Variants in TGM6 observed in about 807,000 individuals in gnomAD.
The protein encoded by TGM6 is transglutaminase 6, also known as protein-glutamine gamma-glutamyltransferase 6.
A neutral mutation model predicts 77.5 loss-of-function variants in TGM6; 74 were observed. The observed-to-expected ratio is 0.96, with a 90% CI of 0.79 to 1.16. The LOEUF is 1.16. TGM6 is among the 50% of genes most tolerant of loss of function. TGM6 has a pLI of 0.00. For missense variants in TGM6, 968 were observed against 940.2 expected (o/e 1.03, Z -0.39); for synonymous variants, 383 against 378.9 (o/e 1.01, Z -0.12).
At position 2,396,621 on chromosome 20, in the gene TGM6, G is replaced by T. The variant is rs375003299; in HGVS notation, c.540G>T (p.Gly180=). 2.5e-6 allele frequency: 4 copies of T among 1,614,066 alleles called. No individual in the cohort carries two copies. In the East Asian group the frequency reaches 6.7e-5, roughly 27 times the overall value. The change falls in exon 4 of 13, where the codon GGG becomes GGT. Residue 180 remains glycine, a synonymous_variant. Transcript: ENST00000202625. ...KHIRAQGWNY[G]QFEEDILNIC... ...TACGAGCCCAGGGCTGGAACTACGG[G>T]CAGGTCTCCAGGGGCACAGGCCAGA...
Position 2,386,569 on chromosome 20 carries a change from G to A in TGM6, c.7+5594G>A, listed in dbSNP as rs918506067. Among the ~76,000 whole-genome samples, 12 of 152,274 alleles carry A rather than the reference G, an allele frequency of 7.9e-5. No homozygotes were observed. In the South Asian group the frequency reaches 8.3e-4, roughly 11 times the overall value. On this transcript the variant is annotated intron_variant, in intron 1 of 12. Coordinates refer to ENST00000202625, the MANE Select transcript of TGM6 (RefSeq NM_198994.3). ...AAGGAAGGGCTTTCTAACATTGGGC[G>A]GTGAGTGAGCTACCTCTCAGAGGTA...
chr20:2,417,837 T>C (rs1161808438), intron 10 of TGM6, among the ~76,000 whole-genome samples: 1 of 152,154 alleles, frequency 6.6e-6, no homozygotes, highest in Non-Finnish European at 1.5e-5. Context: ...ATAGTTTCTA[T>C]TTTTTTAATT....
chr20:2,385,106 G>C (rs969812689), intron 1 of TGM6, among the ~76,000 whole-genome samples: 4 of 152,182 alleles, frequency 2.6e-5, no homozygotes, highest in African/African-American at 9.6e-5. Flanking sequence ...TATTCACCAA[G>C]AATTCGGCCA....
rs199938049 is a variant in TGM6, at chr20:2,394,655, G to A, written c.181+30G>A. 1.2e-3 allele frequency: 1,956 copies of A among 1,587,574 alleles called. 2 individuals are homozygous for A. The highest frequency in any genetic ancestry group is 1.5e-3 in the Non-Finnish European group (1,805 of 1,167,860). On this transcript the variant is annotated intron_variant, in intron 2 of 12. Coordinates refer to ENST00000202625, the MANE Select transcript of TGM6 (RefSeq NM_198994.3). The stretch of plus-strand genomic sequence containing the variant: ...CTGGGCTTGCCAGCACCCTCTTCTC[G>A]TCTGCAGCTGGAGGGACCTGTCTTA...
chr20:2,419,780 T>A (rs1023817210), intron 10 of TGM6, among the ~76,000 whole-genome samples: 4 of 152,180 alleles, frequency 2.6e-5, no homozygotes, highest in African/African-American at 9.7e-5. Flanking sequence ...TAAATAAATA[T>A]ATGGTGACCT....
intron 9 of TGM6, among the ~76,000 whole-genome samples, chr20:2,414,933 T>TTG (rs1471192721): frequency 2.8e-5 from 2 of 70,802 alleles, no homozygotes; most frequent in African/African-American, 1.8e-4. Flanking sequence ...GTTACAGAAT[T>TTG]TGGGGGGGGG....
At chr20:2,396,157 G>A (rs2084664464) in intron 3 of TGM6, among the ~76,000 whole-genome samples, 1 of 148,292 alleles carries the variant, frequency 6.7e-6, no homozygotes, top group Non-Finnish European at 1.5e-5. Context: ...TCCAGCCTGG[G>A]CAACAAGAGC....
intron 10 of TGM6, among the ~76,000 whole-genome samples, chr20:2,423,131 C>A (rs1263136291): frequency 6.6e-6 from 1 of 150,872 alleles, no homozygotes; most frequent in Non-Finnish European, 1.5e-5. Context: ...TATCAAACAC[C>A]ATCGCAACAC....
intron 10 of TGM6, among the ~76,000 whole-genome samples, chr20:2,421,127 C>G (rs774166766): frequency 6.6e-6 from 1 of 152,070 alleles, no homozygotes; most frequent in African/African-American, 2.4e-5. Context: ...GCTGGGATTA[C>G]GGGCACACAC....
At chr20:2,408,868 A>C (rs1207257187) in intron 9 of TGM6, among the ~76,000 whole-genome samples, 1 of 152,230 alleles carries the variant, frequency 6.6e-6, no homozygotes, top group Admixed American at 6.5e-5. Context: ...AATAAGTAAA[A>C]TAACTAGTAT....
intron 12 of TGM6, 82 bp from the exon 13 acceptor site, chr20:2,432,408 C>G: frequency 6.4e-7 from 1 of 1,565,306 alleles, no homozygotes. Flanking sequence ...CCTGAGGAGC[C>G]TGGGGAGCCG....
intron 6 of TGM6, 30 bp downstream of exon 6, chr20:2,399,768 C>G (rs1467717966): frequency 6.3e-7 from 1 of 1,590,786 alleles, no homozygotes. Flanking sequence ...CCCCAGGGTA[C>G]CTGTGCCCCC....
rs573632069 is a variant in TGM6, at chr20:2,405,446, G to A, written c.1336+1623G>A. On this transcript the variant is annotated intron_variant, in intron 9 of 12. Transcript: ENST00000202625. ...CACTGGGACTTTTTAAAGCTCCCAG[G>A]TGGTCTCTAGTGTGCAACCAATGCT... is the stretch of plus-strand genomic sequence containing the variant. Among the ~76,000 whole-genome samples, 4 of 152,308 alleles carry A rather than the reference G, an allele frequency of 2.6e-5. No individual in the cohort carries two copies. The East Asian group carries it at 7.7e-4, about 29-fold the overall frequency.
At chr20:2,392,448 A>C (rs1321914982) in intron 1 of TGM6, among the ~76,000 whole-genome samples, 1 of 152,226 alleles carries the variant, frequency 6.6e-6, no homozygotes, top group Non-Finnish European at 1.5e-5. Context: ...TATCAAAGCA[A>C]GAATTAGTTA....
At position 2,400,416 on chromosome 20, in the gene TGM6, C is replaced by T; in HGVS notation, c.961C>T (p.Leu321=). The change falls in exon 7 of 13, where the codon CTG becomes TTG. Residue 321 remains leucine (L), a synonymous_variant. Coordinates refer to ENST00000202625, the MANE Select transcript of TGM6 (RefSeq NM_198994.3). The part of the protein sequence containing the change: ...DKYVDSFGRT[L]EDLTEDSMWN... ...ATACGTGGACTCCTTCGGGCGGACCCTGGAGGACCTGACAGAAGACAGCAT... is the reference window on the plus strand; with the variant it reads ...ATACGTGGACTCCTTCGGGCGGACCTTGGAGGACCTGACAGAAGACAGCAT... 6.2e-7 allele frequency: 1 copy of T among 1,614,166 alleles called. No individual in the cohort carries two copies.
intron 10 of TGM6, among the ~76,000 whole-genome samples, chr20:2,428,728 TGGAATTGTTGTAAG>T (rs2084905275): frequency 6.6e-6 from 1 of 152,134 alleles, no homozygotes; most frequent in Non-Finnish European, 1.5e-5. Flanking sequence ...TACCCGCTCA[TGGAATTGTTGTAAG>T]GATTAAATAA....
chr20:2,397,788 C>A, intron 4 of TGM6, 130 bp from the exon 5 acceptor site: 2 of 1,454,680 alleles, frequency 1.4e-6, no homozygotes, highest in Non-Finnish European at 9.6e-7. Flanking sequence ...CTCTGTGATG[C>A]CCCTGGTGGT....
chr20:2,383,026 A>G (rs2084566902), intron 1 of TGM6, among the ~76,000 whole-genome samples: 1 of 152,174 alleles, frequency 6.6e-6, no homozygotes, highest in Non-Finnish European at 1.5e-5. Flanking sequence ...GGAGTTGATG[A>G]GTCACTGCCT....
intron 1 of TGM6, among the ~76,000 whole-genome samples, chr20:2,381,317 T>C (rs957629577): frequency 2.0e-5 from 3 of 152,130 alleles, no homozygotes; most frequent in African/African-American, 7.2e-5. Context: ...ATTCCATGGA[T>C]CCAGAGACGT....
Sources: allele counts gnomAD v4.1 joint callset (sites outside exome capture counted in the v4.1 genomes callset), GRCh38; gene constraint gnomAD v4.1.1; transcripts MANE v1.5; gene names NCBI Gene and HGNC (gene_info 2026-07-23, HGNC 2026-07-21).